Variants in RBFOX1 observed in about 807,000 individuals in gnomAD.
The protein encoded by RBFOX1 is RNA binding protein fox-1 homolog 1.
Under a neutral mutation model 57.7 loss-of-function variants are expected in RBFOX1, and 8 were observed. The ratio of observed to expected loss-of-function variants is 0.14; its 90% CI spans 0.08 to 0.25. RBFOX1 has a LOEUF of 0.25. RBFOX1 is among the 10% of genes least tolerant of loss of function. The probability of loss-of-function intolerance (pLI) is 1.00; values close to 1 mark genes in which losing one functional copy is unlikely to be tolerated. For synonymous variants in RBFOX1, 326 were observed against 222.4 expected (o/e 1.47, Z -4.15); for missense variants, 611 against 548.5 (o/e 1.11, Z -1.14).
At chr16:7,356,076 C>G (rs1421651992) in intron 4 of RBFOX1, among the ~76,000 whole-genome samples, 2 of 152,200 alleles carry the variant, frequency 1.3e-5, no homozygotes, top group Non-Finnish European at 2.9e-5. Context: ...GTCTCCAATA[C>G]CTGGTGCTCC....
chr16:5,767,905 A>C (rs1368282487), intron 3 of RBFOX1, among the ~76,000 whole-genome samples: 3 of 151,922 alleles, frequency 2.0e-5, no homozygotes, highest in Admixed American at 2.0e-4. Flanking sequence ...TCATGACCAT[A>C]CTCTTCACTT....
chr16:5,790,374 G>A (rs541088268), intron 3 of RBFOX1, among the ~76,000 whole-genome samples: 1 of 152,238 alleles, frequency 6.6e-6, no homozygotes, highest in Non-Finnish European at 1.5e-5. Context: ...TGCAGAGACC[G>A]TACAGAGAAG....
At chr16:6,646,843 C>G (rs969913263) in intron 2 of RBFOX1, among the ~76,000 whole-genome samples, 1 of 152,012 alleles carries the variant, frequency 6.6e-6, no homozygotes, top group African/African-American at 2.4e-5. Context: ...TTTCCTGACT[C>G]AGTGTCCGAA....
intron 4 of RBFOX1, among the ~76,000 whole-genome samples, chr16:7,208,915 A>G (rs918577408): frequency 1.3e-5 from 2 of 151,982 alleles, no homozygotes; most frequent in African/African-American, 4.8e-5. Context: ...CTCACCCTCT[A>G]TTCCCTTCCT....
chr16:6,566,953 C>T (rs1405166300), intron 2 of RBFOX1, among the ~76,000 whole-genome samples: 2 of 152,134 alleles, frequency 1.3e-5, no homozygotes, highest in Non-Finnish European at 2.9e-5. Context: ...GATGAATTTA[C>T]AGACTCTAAG....
At chr16:5,920,763 G>A (rs776311289) in intron 4 of RBFOX1, among the ~76,000 whole-genome samples, 1 of 152,158 alleles carries the variant, frequency 6.6e-6, no homozygotes, top group Non-Finnish European at 1.5e-5. Context: ...GAATTAAAAC[G>A]TCCTTCAGGA....
chr16:6,553,638 C>T (rs746063685), intron 2 of RBFOX1, among the ~76,000 whole-genome samples: 2 of 151,962 alleles, frequency 1.3e-5, no homozygotes, highest in African/African-American at 4.8e-5. Flanking sequence ...GATGGACGAT[C>T]TCTCTCAGGA....
At chr16:7,198,601 T>C (rs2087422592) in intron 4 of RBFOX1, among the ~76,000 whole-genome samples, 1 of 152,148 alleles carries the variant, frequency 6.6e-6, no homozygotes, top group African/African-American at 2.4e-5. Context: ...TCCAAGAGCA[T>C]GACACTGCAT....
In RBFOX1 at chr16:6,019,093, ACG is replaced by A. The variant is rs764309827; in HGVS notation, c.-1024_-1023del. On this transcript the variant is annotated 5_prime_UTR_variant, in exon 1 of 16. Coordinates refer to ENST00000550418, the MANE Select transcript of RBFOX1 (RefSeq NM_018723.4). This position sits in a 1 kb window ranked among gnomAD's most constrained non-coding sequence, Gnocchi z 4.2. ...CGCGCTCACACACACACAGACACAC[ACG>A]CACACACACACATGCACACATTTTC... The A allele has an allele frequency of 8.9e-5, 88 of 983,988 alleles. No individual in the cohort carries two copies. The East Asian group carries it at 3.9e-3, about 44-fold the overall frequency. 61.0% of individuals were successfully genotyped at this position (983,988 alleles called of 1,614,324 possible). A position where few individuals can be genotyped will look rare whatever the true frequency, so the allele number is the denominator to read the frequency against.
At chr16:5,317,408 A>T (rs8044598) in intron 1 of RBFOX1, among the ~76,000 whole-genome samples, 18,621 of 152,158 alleles carry the variant, frequency 0.12, 1,168 homozygotes, top group Middle Eastern at 0.16. Flanking sequence ...CAGGGGTTCA[A>T]GCCAGCCTGG....
At chr16:5,649,994 T>A (rs2049180847) in intron 3 of RBFOX1, among the ~76,000 whole-genome samples, 2 of 151,872 alleles carry the variant, frequency 1.3e-5, no homozygotes, top group African/African-American at 4.8e-5. Flanking sequence ...AGAGGCAGAG[T>A]CGATGTTTTG....
chr16:7,418,010 C>G (rs886559067), intron 4 of RBFOX1, among the ~76,000 whole-genome samples: 1 of 152,152 alleles, frequency 6.6e-6, no homozygotes, highest in Non-Finnish European at 1.5e-5. Context: ...CCAGATGTCA[C>G]TGTGTGGAGG....
At chr16:6,993,424 C>G (rs1187008677) in intron 3 of RBFOX1, among the ~76,000 whole-genome samples, 1 of 152,126 alleles carries the variant, frequency 6.6e-6, no homozygotes, top group Non-Finnish European at 1.5e-5. Flanking sequence ...AGAGCATATT[C>G]TAAATGCATT....
intron 4 of RBFOX1, among the ~76,000 whole-genome samples, chr16:7,507,204 T>C (rs1600327064): frequency 6.6e-6 from 1 of 152,342 alleles, no homozygotes; most frequent in East Asian, 1.9e-4. Context: ...TGGCCTATCA[T>C]AGTGTTTTTC....
At chr16:7,523,968 A>C (rs926259114) in intron 5 of RBFOX1, among the ~76,000 whole-genome samples, 1 of 152,186 alleles carries the variant, frequency 6.6e-6, no homozygotes, top group Non-Finnish European at 1.5e-5. Flanking sequence ...GTGGGTCAGA[A>C]CTATGGTTCT....
At chr16:6,177,929 A>AAAAAC (rs2097026488) in intron 1 of RBFOX1, among the ~76,000 whole-genome samples, 1 of 151,676 alleles carries the variant, frequency 6.6e-6, no homozygotes. Context: ...GGGTAAAAAA[A>AAAAAC]AAAAAAAAGA....
At chr16:6,199,339 T>C (rs899203218) in intron 1 of RBFOX1, among the ~76,000 whole-genome samples, 4 of 152,208 alleles carry the variant, frequency 2.6e-5, no homozygotes, top group Non-Finnish European at 4.4e-5. Flanking sequence ...TAGAATGCCA[T>C]TGTGGTCTAC....
rs181598270 is a variant in RBFOX1 at position 7,252,725 on chromosome 16, C to G, written c.27+200627C>G. ...TTTTTTTTTTTAAATTTGAGTCACC[C>G]AACGCTAAAGGTATTTAGGTTGGCT... On this transcript the variant is annotated intron_variant, in intron 4 of 15. Coordinates refer to ENST00000550418, the MANE Select transcript of RBFOX1 (RefSeq NM_018723.4). Among the ~76,000 whole-genome samples the G allele has an allele frequency of 2.7e-3, 403 of 151,066 alleles. 5 individuals carry two copies. The highest frequency in any genetic ancestry group is 2.4e-3 in the Non-Finnish European group (165 of 67,908).
At chr16:6,342,423 C>T (rs903118404) in intron 2 of RBFOX1, among the ~76,000 whole-genome samples, 1 of 152,074 alleles carries the variant, frequency 6.6e-6, no homozygotes, top group African/African-American at 2.4e-5. Context: ...TGAATGAATA[C>T]AAAACGTCAA....
Sources: allele counts gnomAD v4.1 joint callset (sites outside exome capture counted in the v4.1 genomes callset), GRCh38; gene constraint gnomAD v4.1.1; non-coding constraint Gnocchi (gnomAD v3.1); transcripts MANE v1.5; gene names NCBI Gene and HGNC (gene_info 2026-07-23, HGNC 2026-07-21).